Variants in PDE1A observed in about 807,000 individuals in gnomAD.
PDE1A encodes the protein phosphodiesterase 1A.
In PDE1A, 35 loss-of-function variants were observed where a neutral mutation model predicts 61.7. The ratio of observed to expected loss-of-function variants is 0.57; its 90% CI spans 0.43 to 0.75. PDE1A has a LOEUF of 0.75. Among genes scored for constraint, PDE1A ranks in the 30% least tolerant of loss-of-function variants. PDE1A has a pLI of 0.00. For missense variants in PDE1A, 597 were observed against 630.6 expected (o/e 0.95, Z 0.57); for synonymous variants, 232 against 213.2 (o/e 1.09, Z -0.77).
chr2:182,289,335 A>G (rs185679745), intron 1 of PDE1A, among the ~76,000 whole-genome samples: 2 of 152,248 alleles, frequency 1.3e-5, no homozygotes, highest in East Asian at 3.9e-4. Flanking sequence ...TTCAGGTAAC[A>G]TAGCAGACCA....
intron 2 of PDE1A, among the ~76,000 whole-genome samples, chr2:182,473,501 A>C (rs564614474): frequency 1.3e-5 from 2 of 151,894 alleles, no homozygotes; most frequent in African/African-American, 4.8e-5. Flanking sequence ...CTTTTTTTAT[A>C]CTTTTAAGTT....
chr2:182,622,745 A>G, the PDE1A span, among the ~76,000 whole-genome samples: 1 of 152,176 alleles, frequency 6.6e-6, no homozygotes, highest in Non-Finnish European at 1.5e-5. Context: ...AGTAGCCAAG[A>G]CTGCCCCAGA....
intron 2 of PDE1A, among the ~76,000 whole-genome samples, chr2:182,488,049 C>CA (rs1349309410): frequency 6.6e-6 from 1 of 151,916 alleles, no homozygotes. Flanking sequence ...CAATATTGAA[C>CA]AAAAAAGTAT....
chr2:182,416,141 C>T (rs1312972782), intron 1 of PDE1A, among the ~76,000 whole-genome samples: 1 of 152,100 alleles, frequency 6.6e-6, no homozygotes, highest in Non-Finnish European at 1.5e-5. Context: ...AATAGTATAA[C>T]AGATGTATAA....
the PDE1A span, among the ~76,000 whole-genome samples, chr2:182,553,237 C>T: frequency 5.3e-5 from 8 of 152,272 alleles, no homozygotes; most frequent in Non-Finnish European, 7.4e-5. Flanking sequence ...ATCTTGGAAG[C>T]GGCCCACCAC....
At chr2:182,436,788 T>C (rs1017220401) in intron 2 of PDE1A, among the ~76,000 whole-genome samples, 4 of 151,978 alleles carry the variant, frequency 2.6e-5, no homozygotes, top group African/African-American at 9.7e-5. Context: ...AGTTATATAA[T>C]TTGCCAAAGA....
intron 1 of PDE1A, among the ~76,000 whole-genome samples, chr2:182,336,898 A>G (rs1216199369): frequency 1.3e-5 from 2 of 151,758 alleles, no homozygotes; most frequent in Non-Finnish European, 2.9e-5. Context: ...CAATAGGTGC[A>G]GCAAACCACC....
At position 182,191,645 on chromosome 2, in the gene PDE1A, C is replaced by T. The variant is rs568302787; in HGVS notation, c.1126-2585G>A. 1.1e-4 allele frequency among the ~76,000 whole-genome samples: 16 copies of T among 150,854 alleles called. 1 individual carries two copies. The highest frequency in any genetic ancestry group is 2.9e-4 in the African/African-American group (12 of 41,220). ...ATTGCAAAAACCACAATTATTTTTG[C>T]ACCACCCTAAATATTATAAGATTGT... On this transcript the variant is annotated intron_variant, in intron 10 of 13. Coordinates refer to ENST00000351439, the Ensembl canonical transcript of PDE1A.
intron 1 of PDE1A, among the ~76,000 whole-genome samples, chr2:182,411,678 T>G (rs546623581): frequency 6.6e-6 from 1 of 152,282 alleles, no homozygotes; most frequent in African/African-American, 2.4e-5. Flanking sequence ...CCAGGAACAT[T>G]TGGCAATGCC....
chr2:182,600,731 A>G, the PDE1A span, among the ~76,000 whole-genome samples: 1 of 152,220 alleles, frequency 6.6e-6, no homozygotes, highest in African/African-American at 2.4e-5. Context: ...CTTTGTAAAA[A>G]TATATACAAT....
chr2:182,422,672 T>G (rs1209598158), intron 1 of PDE1A, among the ~76,000 whole-genome samples: 3 of 152,146 alleles, frequency 2.0e-5, no homozygotes, highest in African/African-American at 7.2e-5. Context: ...ATATGTTACA[T>G]CATTTAATAT....
intron 10 of PDE1A, among the ~76,000 whole-genome samples, chr2:182,194,808 G>A (rs995351814): frequency 3.3e-5 from 5 of 151,192 alleles, no homozygotes; most frequent in Non-Finnish European, 5.9e-5. Flanking sequence ...AAATGAGTTC[G>A]GTAGACAAAC....
chr2:182,560,674 C>A, the PDE1A span, among the ~76,000 whole-genome samples: 42 of 152,242 alleles, frequency 2.8e-4, 1 homozygote, highest in African/African-American at 9.6e-4. Flanking sequence ...GTTTACAGTC[C>A]CACCAACAGT....
intron 1 of PDE1A, among the ~76,000 whole-genome samples, chr2:182,364,887 C>T (rs563604091): frequency 5.9e-5 from 9 of 152,018 alleles, no homozygotes; most frequent in East Asian, 1.9e-4. Context: ...CATTTTCATA[C>T]GTCTAAAACA....
chr2:182,350,247 G>A (rs1448625299), intron 1 of PDE1A, among the ~76,000 whole-genome samples: 1 of 152,186 alleles, frequency 6.6e-6, no homozygotes, highest in East Asian at 1.9e-4. Flanking sequence ...GTTTGTGGAT[G>A]TACTCTGTTT....
chr2:182,229,424 A>C (rs778608197), intron 6 of PDE1A, among the ~76,000 whole-genome samples: 3 of 152,136 alleles, frequency 2.0e-5, no homozygotes, highest in Admixed American at 6.6e-5. Flanking sequence ...CATTACAAAA[A>C]TTCCCAACTC....
chr2:182,544,294 A>G, the PDE1A span, among the ~76,000 whole-genome samples: 19 of 152,178 alleles, frequency 1.2e-4, no homozygotes, highest in Non-Finnish European at 1.0e-4. Context: ...CCTGACAGAT[A>G]GTGGTAAACA....
the PDE1A span, among the ~76,000 whole-genome samples, chr2:182,662,835 C>A: frequency 6.6e-6 from 1 of 152,100 alleles, no homozygotes; most frequent in African/African-American, 2.4e-5. Flanking sequence ...CAAATAGGAT[C>A]TAATTAAAAT....
intron 1 of PDE1A, among the ~76,000 whole-genome samples, chr2:182,295,346 A>G (rs1407588153): frequency 6.6e-6 from 1 of 152,122 alleles, no homozygotes. Flanking sequence ...AGTGAATAAA[A>G]GGTAATCTTA....
Sources: allele counts gnomAD v4.1 joint callset (sites outside exome capture counted in the v4.1 genomes callset), GRCh38; gene constraint gnomAD v4.1.1; transcripts MANE v1.5; gene names NCBI Gene and HGNC (gene_info 2026-07-23, HGNC 2026-07-21).